Variants in WDR72 observed in about 807,000 individuals in gnomAD.
WDR72 encodes the protein WD repeat-containing protein 72.
A neutral mutation model predicts 124.2 loss-of-function variants in WDR72; 120 were observed. That is an observed-to-expected ratio of 0.97 (90% CI 0.83 to 1.12). WDR72 has a LOEUF of 1.12. Among genes scored for constraint, WDR72 ranks in the 50% most tolerant of loss-of-function variants. WDR72 has a pLI of 0.00. For missense variants in WDR72, 1,387 were observed against 1,278.8 expected (o/e 1.08, Z -1.29); for synonymous variants, 452 against 441.7 (o/e 1.02, Z -0.29).
At chr15:53,750,968 T>C (rs1008754680) in intron 1 of WDR72, among the ~76,000 whole-genome samples, 3 of 152,204 alleles carry the variant, frequency 2.0e-5, no homozygotes, top group African/African-American at 7.2e-5. Flanking sequence ...GCTATGAACA[T>C]AGCTGAAATG....
At position 53,726,285 on chromosome 15, in the gene WDR72, T is replaced by C. The variant is rs183416717; in HGVS notation, c.154-3377A>G. Among the ~76,000 whole-genome samples, 173 of 115,456 alleles carry C rather than the reference T, an allele frequency of 1.5e-3. 1 individual carries two copies. Among genetic ancestry groups the C allele is most frequent in the South Asian group, 7.2e-3 (25 of 3,468 alleles). The allele number at this position is 115,456 out of a possible 152,430, so 75.7% of individuals were successfully genotyped here. A position where few individuals can be genotyped will look rare whatever the true frequency, so the allele number is the denominator to read the frequency against. On this transcript the variant is annotated intron_variant, in intron 2 of 19. Coordinates refer to ENST00000360509, the MANE Select transcript of WDR72 (RefSeq NM_182758.4). ...GTGTGTATATATATATATATATATATACACACACACACTGCTCTAGTGTGG... is the reference window on the plus strand; with the variant it reads ...GTGTGTATATATATATATATATATACACACACACACACTGCTCTAGTGTGG...
chr15:53,706,348 G>GTATATATA (rs1450540976), intron 9 of WDR72, among the ~76,000 whole-genome samples: 13 of 57,352 alleles, frequency 2.3e-4, no homozygotes, highest in East Asian at 6.5e-4. Context: ...GTGTGTGTGT[G>GTATATATA]TGTATATATA....
intron 19 of WDR72, among the ~76,000 whole-genome samples, chr15:53,520,616 T>C (rs1891739906): frequency 6.6e-6 from 1 of 152,050 alleles, no homozygotes; most frequent in African/African-American, 2.4e-5. Flanking sequence ...AATTTGTTTC[T>C]TCTTCTGACT....
chr15:53,534,386 C>T (rs189749814), intron 18 of WDR72, among the ~76,000 whole-genome samples: 3 of 152,160 alleles, frequency 2.0e-5, no homozygotes, highest in East Asian at 3.9e-4. Flanking sequence ...ATGAGTCATG[C>T]GTTGCAAAAG....
chr15:53,682,445 TATTA>T (rs1289162174), intron 13 of WDR72, among the ~76,000 whole-genome samples: 8 of 152,212 alleles, frequency 5.3e-5, no homozygotes, highest in Non-Finnish European at 7.3e-5. Context: ...AGTGATGCAG[TATTA>T]ATTGTTTATT....
chr15:53,711,312 T>C (rs2017530615), intron 8 of WDR72, 24 bp downstream of exon 8: 2 of 1,613,978 alleles, frequency 1.2e-6, no homozygotes, highest in Non-Finnish European at 1.7e-6. Context: ...GAATGTTTTG[T>C]ATGCCGCTCC....
intron 18 of WDR72, among the ~76,000 whole-genome samples, chr15:53,581,662 G>A (rs963383101): frequency 6.6e-6 from 1 of 151,962 alleles, no homozygotes; most frequent in Non-Finnish European, 1.5e-5. Context: ...ATATGAAGAT[G>A]AAAAAATCCT....
At chr15:53,657,781 C>G (rs2015479338) in intron 14 of WDR72, among the ~76,000 whole-genome samples, 1 of 152,064 alleles carries the variant, frequency 6.6e-6, no homozygotes, top group South Asian at 2.1e-4. Flanking sequence ...AAAGCAGAAC[C>G]AACCTTTTCT....
At chr15:53,529,164 A>ATATATATTTTTTTTTTTT (rs59003623) in intron 18 of WDR72, among the ~76,000 whole-genome samples, 5 of 78,156 alleles carry the variant, frequency 6.4e-5, no homozygotes, top group African/African-American at 2.5e-4. Flanking sequence ...ATATATATAT[A>ATATATATTTTTTTTTTTT]TTTTTTTTTT....
At chr15:53,568,397 C>G (rs1894379796) in intron 18 of WDR72, among the ~76,000 whole-genome samples, 1 of 151,884 alleles carries the variant, frequency 6.6e-6, no homozygotes, top group South Asian at 2.1e-4. Context: ...GTAACTCTAA[C>G]TTTGTGACAG....
chr15:53,722,808 T>C lies in WDR72; in HGVS notation c.254A>G (p.Glu85Gly), dbSNP rs1567048956. 1.9e-6 allele frequency: 3 copies of C among 1,614,090 alleles called. No individual in the cohort carries two copies. Among genetic ancestry groups the C allele is most frequent in the Non-Finnish European group, 2.5e-6 (3 of 1,179,942 alleles). The part of the protein sequence containing the change: ...SKQPYIVSAA[E>G]NGEMCVWNVT... ...GTTTACATACCATACCTACCCATTT[T>C]CAGCAGCACTAACAATGTAGGGCTG... is the stretch of plus-strand genomic sequence containing the variant. Residue 85 changes from glutamate to glycine, a missense_variant, in exon 3 of 20, where the codon GAA (glutamate) becomes GGA (glycine). By Grantham distance (98) the Glu-to-Gly change is moderately conservative. Transcript: ENST00000360509.
intron 14 of WDR72, among the ~76,000 whole-genome samples, chr15:53,620,115 T>A (rs895668307): frequency 2.6e-5 from 4 of 152,030 alleles, no homozygotes; most frequent in Non-Finnish European, 4.4e-5. Context: ...GAAATTATTT[T>A]AAAAATAATT....
chr15:53,652,298 C>A (rs2140429359), intron 14 of WDR72, among the ~76,000 whole-genome samples: 1 of 152,210 alleles, frequency 6.6e-6, no homozygotes, highest in East Asian at 1.9e-4. Flanking sequence ...TCTCCTGGGG[C>A]TGCTAATCCA....
At chr15:53,528,333 C>A (rs568565777) in intron 18 of WDR72, among the ~76,000 whole-genome samples, 2 of 152,074 alleles carry the variant, frequency 1.3e-5, no homozygotes, top group South Asian at 4.1e-4. Context: ...AGACTTTAGG[C>A]TTACTTTGTC....
chr15:53,529,483 A>G (rs148323458), intron 18 of WDR72, among the ~76,000 whole-genome samples: 1 of 152,132 alleles, frequency 6.6e-6, no homozygotes, highest in Non-Finnish European at 1.5e-5. Flanking sequence ...ACAATTGAAC[A>G]GGATACTAAG....
At chr15:53,650,544 G>C (rs2015197459) in intron 14 of WDR72, among the ~76,000 whole-genome samples, 1 of 152,138 alleles carries the variant, frequency 6.6e-6, no homozygotes, top group Admixed American at 6.5e-5. Context: ...TCCATCTCCA[G>C]TCATATCAAC....
At chr15:53,612,177 T>C (rs1288239465) in intron 16 of WDR72, among the ~76,000 whole-genome samples, 2 of 152,168 alleles carry the variant, frequency 1.3e-5, no homozygotes, top group African/African-American at 4.8e-5. Flanking sequence ...ATTTCATTTG[T>C]CCATTAATTG....
At chr15:53,549,309 C>A (rs141128595) in intron 18 of WDR72, among the ~76,000 whole-genome samples, 165 of 152,244 alleles carry the variant, frequency 1.1e-3, no homozygotes, top group African/African-American at 3.9e-3. Flanking sequence ...TTGGAACAAG[C>A]AGCTAGGGGA....
chr15:53,593,744 A>G (rs1240637879), intron 18 of WDR72, among the ~76,000 whole-genome samples: 1 of 151,974 alleles, frequency 6.6e-6, no homozygotes, highest in Non-Finnish European at 1.5e-5. Context: ...CCTGGGTGAC[A>G]GAGTGAGGCA....
Sources: allele counts gnomAD v4.1 joint callset (sites outside exome capture counted in the v4.1 genomes callset), GRCh38; gene constraint gnomAD v4.1.1; transcripts MANE v1.5; gene names NCBI Gene and HGNC (gene_info 2026-07-23, HGNC 2026-07-21).